PRR5L: variants seen among roughly 807,000 people sequenced by gnomAD.
The protein encoded by PRR5L is proline-rich protein 5-like.
A neutral mutation model predicts 36.4 loss-of-function variants in PRR5L; 21 were observed. The ratio of observed to expected loss-of-function variants is 0.58; its 90% CI spans 0.41 to 0.83. The LOEUF (loss-of-function observed/expected upper bound fraction) is 0.83. Ranked by LOEUF, PRR5L falls within the 40% of genes least tolerant of loss-of-function variation. The pLI, the probability that PRR5L is intolerant of heterozygous loss-of-function variation, is 0.00. For synonymous variants in PRR5L, 188 were observed against 197.0 expected, an observed-to-expected ratio of 0.95 and a Z score of 0.38; for missense variants, 381 against 473.3, an observed-to-expected ratio of 0.80 and a Z score of 1.81.
intron 8 of PRR5L, among the ~76,000 whole-genome samples, chr11:36,460,373 A>G (rs1859154235): frequency 6.6e-6 from 1 of 151,978 alleles, no homozygotes; most frequent in Non-Finnish European, 1.5e-5. Flanking sequence ...CCTCCTCTGC[A>G]TCCTCCCCAT....
At position 36,307,139 on chromosome 11, in the gene PRR5L, T is replaced by G. The variant is rs568972504; in HGVS notation, c.-126+10701T>G. ...GCAGTTATTTCCCCAGAACTGTACT[T>G]TCTTGCTAGAAGGCACCAAAAAGCC... On this transcript the variant is annotated intron_variant, in intron 1 of 8. Transcript: ENST00000530639. 2.6e-5 allele frequency among the ~76,000 whole-genome samples: 4 copies of G among 152,306 alleles called. No individual in the cohort carries two copies. The South Asian group carries it at 8.3e-4, about 32-fold the overall frequency.
At position 36,343,829 on chromosome 11, in the gene PRR5L, C is replaced by T. The variant is rs190227831; in HGVS notation, c.-126+47391C>T. ...AGCTTAAGTCACCTATCCAAGGACA[C>T]AGTCAGAATATAGATCTAGGGCATT... On this transcript the variant is annotated intron_variant, in intron 1 of 8. Transcript: ENST00000530639. 2.6e-3 allele frequency among the ~76,000 whole-genome samples: 397 copies of T among 152,162 alleles called. 3 individuals carry two copies. Among genetic ancestry groups the T allele is most frequent in the Non-Finnish European group, 8.8e-4 (60 of 67,996 alleles).
At chr11:36,317,383 T>A (rs938352014) in intron 1 of PRR5L, among the ~76,000 whole-genome samples, 4 of 152,230 alleles carry the variant, frequency 2.6e-5, no homozygotes, top group African/African-American at 9.6e-5. Flanking sequence ...CTAGTAGAAT[T>A]GTGAGGATCA....
In PRR5L at chr11:36,463,500, T is replaced by C. The variant is rs1859234849; in HGVS notation, c.*764T>C. 6.6e-6 allele frequency: 1 copy of C among 152,570 alleles called. No individual in the cohort carries two copies. The highest frequency in any genetic ancestry group is 1.5e-5 in the Non-Finnish European group (1 of 68,040). The allele number at this position is 152,570 out of a possible 1,614,324, so 9.5% of individuals were successfully genotyped here. A position where few individuals can be genotyped will look rare whatever the true frequency, so the allele number is the denominator to read the frequency against. ...AGGAACTCACCCCCAGATAAGAAGCTGGTGCCTCTTGTCTCTCTCATTTCA... is the reference window on the plus strand; with the variant it reads ...AGGAACTCACCCCCAGATAAGAAGCCGGTGCCTCTTGTCTCTCTCATTTCA... On this transcript the variant is annotated 3_prime_UTR_variant, in exon 9 of 9. Coordinates refer to ENST00000530639, the MANE Select transcript of PRR5L (RefSeq NM_001160167.2).
intron 1 of PRR5L, among the ~76,000 whole-genome samples, chr11:36,307,869 G>A (rs1469262176): frequency 6.6e-6 from 1 of 152,232 alleles, no homozygotes; most frequent in African/African-American, 2.4e-5. Context: ...GAAGAAGAGA[G>A]GGACAGTTTA....
intron 7 of PRR5L, among the ~76,000 whole-genome samples, chr11:36,449,542 G>T (rs895757012): frequency 6.6e-6 from 1 of 152,198 alleles, no homozygotes; most frequent in African/African-American, 2.4e-5. Flanking sequence ...CCACTGTGAA[G>T]ATCTGTTTCC....
At chr11:36,434,254 A>G (rs1858560624) in intron 5 of PRR5L, among the ~76,000 whole-genome samples, 2 of 152,316 alleles carry the variant, frequency 1.3e-5, no homozygotes, top group Admixed American at 1.3e-4. Flanking sequence ...TGTACAGTGA[A>G]TAGGCATGTG....
intron 1 of PRR5L, among the ~76,000 whole-genome samples, chr11:36,353,681 C>A (rs1423409887): frequency 1.3e-5 from 2 of 152,168 alleles, no homozygotes; most frequent in African/African-American, 4.8e-5. Context: ...GAGCACACAA[C>A]CTATATCCCT....
intron 5 of PRR5L, among the ~76,000 whole-genome samples, chr11:36,432,920 GCAAA>G (rs1858531488): frequency 6.6e-6 from 1 of 152,120 alleles, no homozygotes; most frequent in African/African-American, 2.4e-5. Context: ...CCAAGGTCTG[GCAAA>G]CAGTTAATGC....
intron 1 of PRR5L, chr11:36,329,183 TGAG>T (rs1269716932): frequency 2.0e-5 from 3 of 152,130 alleles, no homozygotes; most frequent in Non-Finnish European, 2.9e-5. Context: ...GATGATGAAA[TGAG>T]GATGACAGTG....
chr11:36,326,438 GT>G (rs1856663740), intron 1 of PRR5L, among the ~76,000 whole-genome samples: 1 of 150,916 alleles, frequency 6.6e-6, no homozygotes, highest in Non-Finnish European at 1.5e-5. Context: ...AATTTTCCCA[GT>G]TTTCTCCAAA....
chr11:36,369,266 T>C (rs1402624595), intron 1 of PRR5L, among the ~76,000 whole-genome samples: 1 of 151,904 alleles, frequency 6.6e-6, no homozygotes, highest in East Asian at 1.9e-4. Context: ...TGAGGCTGAG[T>C]GTTGTGAGGA....
chr11:36,406,924 G>A (rs1396997297), intron 3 of PRR5L, among the ~76,000 whole-genome samples: 1 of 152,146 alleles, frequency 6.6e-6, no homozygotes, highest in Non-Finnish European at 1.5e-5. Context: ...TGTGACCTTG[G>A]GCAAGTGACT....
At position 36,431,455 on chromosome 11, in the gene PRR5L, C is replaced by CTT. The variant is rs35379496; in HGVS notation, c.295-390_295-389dup. 1.7e-4 allele frequency among the ~76,000 whole-genome samples: 25 copies of CTT among 151,174 alleles called. No individual in the cohort carries two copies. In the South Asian group the frequency reaches 3.2e-3, roughly 19 times the overall value. ...CTAGTGTGAGAAGCCCTAAATTTAT[C>CTT]TTTTTTTTTAAAAAAAAATATGTTA... On this transcript the variant is annotated intron_variant, in intron 4 of 8. Transcript: ENST00000530639.
rs1228506898 is a variant in PRR5L, at chr11:36,377,708, T to C, written c.-125-23289T>C. On this transcript the variant is annotated intron_variant, in intron 1 of 8. Coordinates refer to ENST00000530639, the MANE Select transcript of PRR5L (RefSeq NM_001160167.2). This position sits in a 1 kb window ranked among gnomAD's most constrained non-coding sequence, Gnocchi z 5.1. ...GCGGTGCCGGGAGCCCGCGTTTTGTTTGTCAGCAGTTAGGCGGTGAGTATT... is the reference window on the plus strand; with the variant it reads ...GCGGTGCCGGGAGCCCGCGTTTTGTCTGTCAGCAGTTAGGCGGTGAGTATT... The C allele has an allele frequency of 2.0e-5, 3 of 152,538 alleles. No homozygotes were observed. Among genetic ancestry groups the C allele is most frequent in the African/African-American group, 7.2e-5 (3 of 41,476 alleles). The allele number at this position is 152,538 out of a possible 1,614,324, so 9.4% of individuals were successfully genotyped here. A position where few individuals can be genotyped will look rare whatever the true frequency, so the allele number is the denominator to read the frequency against.
intron 1 of PRR5L, among the ~76,000 whole-genome samples, chr11:36,350,988 T>TTATATATTTATATATTTA (rs1554986984): frequency 0.02 from 1,543 of 76,200 alleles, 326 homozygotes; most frequent in Middle Eastern, 0.039. Context: ...ATTTATATAT[T>TTATATATTTATATATTTA]TATATATTTA....
chr11:36,322,605 T>C (rs1856623294), intron 1 of PRR5L, among the ~76,000 whole-genome samples: 1 of 152,110 alleles, frequency 6.6e-6, no homozygotes, highest in Non-Finnish European at 1.5e-5. Context: ...CAGGGTTGAG[T>C]ATGTGATCCA....
intron 1 of PRR5L, among the ~76,000 whole-genome samples, chr11:36,340,950 C>G (rs1856811073): frequency 6.6e-6 from 1 of 152,176 alleles, no homozygotes. Context: ...TCTTCTATCT[C>G]TCATGGAACA....
intron 1 of PRR5L, chr11:36,376,201 G>T: frequency 7.7e-7 from 1 of 1,301,984 alleles, no homozygotes; most frequent in Non-Finnish European, 1.0e-6. Flanking sequence ...AGCAGGGTGA[G>T]AGTTGCTGAA....
Sources: gnomAD v4.1 joint callset for allele counts (sites outside exome capture counted in the v4.1 genomes callset) on GRCh38, gnomAD v4.1.1 for gene constraint, Gnocchi (gnomAD v3.1) non-coding constraint, MANE v1.5 for transcripts, NCBI Gene and HGNC (gene_info 2026-07-23, HGNC 2026-07-21) for gene names.